SCN2B: variants seen among roughly 807,000 people sequenced by gnomAD.
SCN2B encodes the protein sodium voltage-gated channel beta subunit 2.
SCN2B carries 14 observed loss-of-function variants against 18.2 expected under a neutral mutation model. The observed-to-expected ratio is 0.77, with a 90% CI of 0.51 to 1.21. SCN2B has a LOEUF of 1.21. SCN2B is among the 50% of genes most tolerant of loss of function. The pLI, the probability that SCN2B is intolerant of heterozygous loss-of-function variation, is 0.00. For synonymous variants in SCN2B, 115 were observed against 115.3 expected (o/e 1.00, Z 0.02); for missense variants, 262 against 286.9 (o/e 0.91, Z 0.63).
chr11:118,172,311 C>T (rs1190515270), intron 1 of SCN2B, among the ~76,000 whole-genome samples: 3 of 152,246 alleles, frequency 2.0e-5, no homozygotes, highest in Non-Finnish European at 4.4e-5. Flanking sequence ...TTATCGCTCC[C>T]ACATTCCGGA....
Position 118,166,846 on chromosome 11 carries a change from G to A in SCN2B, c.*41C>T. ...AGGGTCACTGTACAGGGCGGAGAGG[G>A]GAGGAGACGGGACACGGGAGGCTGC... On this transcript the variant is annotated 3_prime_UTR_variant, in exon 4 of 4. Coordinates refer to ENST00000278947, the MANE Select transcript of SCN2B (RefSeq NM_004588.5). 3 of 1,610,472 alleles carry A rather than the reference G, an allele frequency of 1.9e-6. No homozygotes were observed. In the South Asian group the frequency reaches 3.3e-5, roughly 18 times the overall value.
chr11:118,168,241 G>T lies in SCN2B; in HGVS notation c.292C>A (p.Arg98Ser). Residue 98 changes from arginine (R) to serine (S), a missense_variant, in exon 3 of 4, where the codon CGC becomes AGC. Coordinates refer to ENST00000278947, the MANE Select transcript of SCN2B (RefSeq NM_004588.5). This position sits in a 1 kb window ranked among gnomAD's most constrained non-coding sequence, Gnocchi z 4.7. The stretch of plus-strand genomic sequence containing the variant: ...CTGGGGTTCCCTGAGAACTCCACGC[G>T]GTCTTGAAACCGCTCCAGCTTCAGG... Reference protein sequence around the residue: ...INLKLERFQDRVEFSGNPSKY... With the variant: ...INLKLERFQDSVEFSGNPSKY... 1 of 1,614,162 alleles carries T rather than the reference G, an allele frequency of 6.2e-7. No homozygotes were observed. The highest frequency in any genetic ancestry group is 1.1e-5 in the South Asian group (1 of 91,076).
rs1948345502 is a variant in SCN2B, at chr11:118,163,108, G to C, written c.*3779C>G. 1 of 152,626 alleles carries C rather than the reference G, an allele frequency of 6.6e-6. No individual in the cohort carries two copies. Among genetic ancestry groups the C allele is most frequent in the Non-Finnish European group, 1.5e-5 (1 of 68,058 alleles). 9.5% of individuals were successfully genotyped at this position (152,626 alleles called of 1,614,324 possible). A position where few individuals can be genotyped will look rare whatever the true frequency, so the allele number is the denominator to read the frequency against. On this transcript the variant is annotated 3_prime_UTR_variant, in exon 4 of 4. Coordinates refer to ENST00000278947, the MANE Select transcript of SCN2B (RefSeq NM_004588.5). The stretch of plus-strand genomic sequence containing the variant: ...TATTACACCTCCCCACACACACACA[G>C]TGTAACTTTTGGGGTGGGTGTGGTG...
rs937918196 is a variant in SCN2B at position 118,164,965 on chromosome 11, T to C, written c.*1922A>G. 1 of 152,720 alleles carries C rather than the reference T, an allele frequency of 6.5e-6. No homozygotes were observed. The highest frequency in any genetic ancestry group is 2.4e-5 in the African/African-American group (1 of 41,452). The allele number at this position is 152,720 out of a possible 1,614,324, so 9.5% of individuals were successfully genotyped here. On this transcript the variant is annotated 3_prime_UTR_variant, in exon 4 of 4. Coordinates refer to ENST00000278947, the MANE Select transcript of SCN2B (RefSeq NM_004588.5). ...CCTTTCCTAGACTTATTCCCTACCC[T>C]GGGCACCTGACTCCTTGAGTAGGGG...
At position 118,168,146 on chromosome 11, in the gene SCN2B, G is replaced by T. The variant is rs1416978980; in HGVS notation, c.387C>A (p.Ile129=). ...CACGGTGGCGGTCAGGGGGGTTCATGATGTAGCAGTTGTAAATCCCCTCAT... is the reference window on the plus strand; with the variant it reads ...CACGGTGGCGGTCAGGGGGGTTCATTATGTAGCAGTTGTAAATCCCCTCAT... ...PEDEGIYNCY[I]MNPPDRHRGH... is the part of the protein sequence containing the mutation. Residue 129 remains isoleucine (I), a synonymous_variant, in exon 3 of 4, where the codon ATC becomes ATA. Transcript: ENST00000278947. The surrounding 1 kb of genome is among the most constrained non-coding windows in gnomAD (Gnocchi z 4.7). 1 of 1,614,178 alleles carries T rather than the reference G, an allele frequency of 6.2e-7. No individual in the cohort carries two copies. The highest frequency in any genetic ancestry group is 2.2e-5 in the East Asian group (1 of 44,880).
intron 3 of SCN2B, 118 bp from the exon 4 acceptor site, chr11:118,167,204 T>C: frequency 2.4e-5 from 27 of 1,112,174 alleles, no homozygotes; most frequent in Non-Finnish European, 3.4e-5. Context: ...CAGACAGGAC[T>C]TTAGCAAAGC....
At position 118,166,952 on chromosome 11, in the gene SCN2B, C is replaced by A; in HGVS notation, c.583G>T (p.Asp195Tyr). ...TTGCCCTCCTCCTCGGTCTTCAGGT[C>A]ATCTGTGCTCAGCTTCTGCTCTTTT... ...RKKEQKLSTD[D>Y]LKTEEEGKTD... is the part of the protein sequence containing the mutation. The change falls in exon 4 of 4, where the codon GAC (aspartate) becomes TAC (tyrosine). Residue 195 changes from aspartate (D) to tyrosine (Y), a missense_variant. Transcript: ENST00000278947. 1 of 1,614,188 alleles carries A rather than the reference C, an allele frequency of 6.2e-7. No individual in the cohort carries two copies. Among genetic ancestry groups the A allele is most frequent in the Non-Finnish European group, 8.5e-7 (1 of 1,180,042 alleles).
rs576946745 is a variant in SCN2B at position 118,167,145 on chromosome 11, C to T, written c.449-59G>A. ...CTGGGAAAGGGGCCTCCCCCATCAC[C>T]CCACTACCCGTGGCATGCGTGGAAC... On this transcript the variant is annotated intron_variant, in intron 3 of 3. Transcript: ENST00000278947. 135 of 1,547,994 alleles carry T rather than the reference C, an allele frequency of 8.7e-5. 1 individual carries two copies. In the African/African-American group the frequency reaches 1.6e-3, roughly 19 times the overall value.
chr11:118,168,161 A>T lies in SCN2B; in HGVS notation c.372T>A (p.Ile124=). Residue 124 remains isoleucine, a synonymous_variant, in exon 3 of 4, where the codon ATT becomes ATA. Transcript: ENST00000278947. The surrounding 1 kb of genome is among the most constrained non-coding windows in gnomAD (Gnocchi z 4.7). ...LRNVQPEDEG[I]YNCYIMNPPD... ...GGGGGTTCATGATGTAGCAGTTGTA[A>T]ATCCCCTCATCCTCCGGCTGCACGT... 1 of 1,614,122 alleles carries T rather than the reference A, an allele frequency of 6.2e-7. No individual in the cohort carries two copies. Among genetic ancestry groups the T allele is most frequent in the South Asian group, 1.1e-5 (1 of 91,080 alleles).
chr11:118,168,748 G>A lies in SCN2B; in HGVS notation c.74C>T (p.Pro25Leu). 1 of 1,614,184 alleles carries A rather than the reference G, an allele frequency of 6.2e-7. No individual in the cohort carries two copies. The highest frequency in any genetic ancestry group is 8.5e-7 in the Non-Finnish European group (1 of 1,180,038). The change falls in exon 2 of 4, where the codon CCA becomes CTA. Residue 25 changes from proline to leucine, a missense_variant. By Grantham distance (98) the Pro-to-Leu change is moderately conservative. Coordinates refer to ENST00000278947, the MANE Select transcript of SCN2B (RefSeq NM_004588.5). This position sits in a 1 kb window ranked among gnomAD's most constrained non-coding sequence, Gnocchi z 4.7. ...TGTGACCTCCATGCTCCGTCCTGGT[G>A]GCACTGCAGATGAAGCCACAAGCTG... ...TGLSLFFSLV[P>L]PGRSMEVTVP... is the part of the protein sequence containing the mutation.
chr11:118,168,452 C>A lies in SCN2B; in HGVS notation c.237+133G>T. 1 of 1,340,774 alleles carries A rather than the reference C, an allele frequency of 7.5e-7. No homozygotes were observed. Among genetic ancestry groups the A allele is most frequent in the East Asian group, 2.3e-5 (1 of 43,516 alleles). 83.1% of individuals were successfully genotyped at this position (1,340,774 alleles called of 1,614,324 possible). A position where few individuals can be genotyped will look rare whatever the true frequency, so the allele number is the denominator to read the frequency against. On this transcript the variant is annotated intron_variant, in intron 2 of 3. Transcript: ENST00000278947. The surrounding 1 kb of genome is among the most constrained non-coding windows in gnomAD (Gnocchi z 4.7). ...TGCGCAGCACACCTTGTTTCAAGAG[C>A]CTCCAGAGCACGCAGCCCACCCAGG... is the stretch of plus-strand genomic sequence containing the variant.
At position 118,165,806 on chromosome 11, in the gene SCN2B, G is replaced by T. The variant is rs551793501; in HGVS notation, c.*1081C>A. ...CCCCACGAAGGGAGTTGTTGGGAGA[G>T]GAGCGAGTAGTGTGGCTGCAGATGG... On this transcript the variant is annotated 3_prime_UTR_variant, in exon 4 of 4. Coordinates refer to ENST00000278947, the MANE Select transcript of SCN2B (RefSeq NM_004588.5). 4.2e-3 allele frequency: 640 copies of T among 152,516 alleles called. 12 individuals carry two copies. Among genetic ancestry groups the T allele is most frequent in the Non-Finnish European group, 3.4e-3 (230 of 68,162 alleles). 9.4% of individuals were successfully genotyped at this position (152,516 alleles called of 1,614,324 possible). A position where few individuals can be genotyped will look rare whatever the true frequency, so the allele number is the denominator to read the frequency against.
At position 118,164,528 on chromosome 11, in the gene SCN2B, G is replaced by A. The variant is rs368679525; in HGVS notation, c.*2359C>T. On this transcript the variant is annotated 3_prime_UTR_variant, in exon 4 of 4. Coordinates refer to ENST00000278947, the MANE Select transcript of SCN2B (RefSeq NM_004588.5). ...TCACCCAGGTGTTACCAGGCTGGTT[G>A]CCCATCCCCCACTCTGCACCCACTC... is the stretch of plus-strand genomic sequence containing the variant. 6.5e-6 allele frequency: 1 copy of A among 153,206 alleles called. No individual in the cohort carries two copies. Among genetic ancestry groups the A allele is most frequent in the East Asian group, 1.9e-4 (1 of 5,192 alleles). The allele number at this position is 153,206 out of a possible 1,614,324, so 9.5% of individuals were successfully genotyped here. A position where few individuals can be genotyped will look rare whatever the true frequency, so the allele number is the denominator to read the frequency against.
Position 118,168,492 on chromosome 11 carries a change from T to C in SCN2B, c.237+93A>G. 6.5e-7 allele frequency: 1 copy of C among 1,538,570 alleles called. No individual in the cohort carries two copies. Among genetic ancestry groups the C allele is most frequent in the East Asian group, 2.2e-5 (1 of 44,524 alleles). On this transcript the variant is annotated intron_variant, in intron 2 of 3. Coordinates refer to ENST00000278947, the MANE Select transcript of SCN2B (RefSeq NM_004588.5). This position sits in a 1 kb window ranked among gnomAD's most constrained non-coding sequence, Gnocchi z 4.7. ...GCCCACCCAGGGTCCTCTGGGGCCC[T>C]AGCGCAGTGCCGGGGCCGGTGGTGG...
Position 118,176,610 on chromosome 11 carries a change from C to T in SCN2B, c.-179G>A. On this transcript the variant is annotated 5_prime_UTR_variant, in exon 1 of 4. Transcript: ENST00000278947. ...TCTAATATGGCCGGCTTGTATGTTG[C>T]TGCTAAAAAGAGAGAGAGAGGGAGT... The T allele has an allele frequency of 1.9e-6, 1 of 540,488 alleles. No homozygotes were observed. The highest frequency in any genetic ancestry group is 3.3e-6 in the Non-Finnish European group (1 of 301,258). The allele number at this position is 540,488 out of a possible 1,614,324, so 33.5% of individuals were successfully genotyped here.
chr11:118,168,068 G>T lies in SCN2B; in HGVS notation c.448+17C>A, dbSNP rs766856729. 1 of 1,609,094 alleles carries T rather than the reference G, an allele frequency of 6.2e-7. No homozygotes were observed. The highest frequency in any genetic ancestry group is 1.1e-5 in the South Asian group (1 of 90,386). On this transcript the variant is annotated intron_variant, in intron 3 of 3. Coordinates refer to ENST00000278947, the MANE Select transcript of SCN2B (RefSeq NM_004588.5). The surrounding 1 kb of genome is among the most constrained non-coding windows in gnomAD (Gnocchi z 4.7). ...TGGGAAAGGTCAGGGCCCCGCAGCTGGCACCCCAGCCTTCACCTTCCATGA... is the reference window on the plus strand; with the variant it reads ...TGGGAAAGGTCAGGGCCCCGCAGCTTGCACCCCAGCCTTCACCTTCCATGA...
rs1047019546 is a variant in SCN2B at position 118,165,066 on chromosome 11, C to T, written c.*1821G>A. On this transcript the variant is annotated 3_prime_UTR_variant, in exon 4 of 4. Transcript: ENST00000278947. Reference sequence around the variant, plus strand: ...CATTTGCCAGCAGCTGTGCCCTTCACACTTGCTCCCTCCCTCCCTGCTTCC... The same window carrying T: ...CATTTGCCAGCAGCTGTGCCCTTCATACTTGCTCCCTCCCTCCCTGCTTCC... 6.5e-6 allele frequency: 1 copy of T among 152,846 alleles called. No individual in the cohort carries two copies. The highest frequency in any genetic ancestry group is 1.9e-4 in the East Asian group (1 of 5,198). 9.5% of individuals were successfully genotyped at this position (152,846 alleles called of 1,614,324 possible). A position where few individuals can be genotyped will look rare whatever the true frequency, so the allele number is the denominator to read the frequency against.
chr11:118,169,972 C>G (rs1225869249), intron 1 of SCN2B, among the ~76,000 whole-genome samples: 1 of 152,220 alleles, frequency 6.6e-6, no homozygotes, highest in Non-Finnish European at 1.5e-5. Flanking sequence ...GCCTTCATTC[C>G]AAGATGCTCT....
chr11:118,172,742 G>C (rs1006282235), intron 1 of SCN2B, among the ~76,000 whole-genome samples: 1 of 152,184 alleles, frequency 6.6e-6, no homozygotes, highest in East Asian at 1.9e-4. Flanking sequence ...CTCAGGCCTC[G>C]TGTCATCCAC....
Sources: allele counts gnomAD v4.1 joint callset (sites outside exome capture counted in the v4.1 genomes callset), GRCh38; gene constraint gnomAD v4.1.1; non-coding constraint Gnocchi (gnomAD v3.1); transcripts MANE v1.5; gene names NCBI Gene and HGNC (gene_info 2026-07-23, HGNC 2026-07-21).